AGO3: variants seen among roughly 807,000 people sequenced by gnomAD.
The protein encoded by AGO3 is argonaute RISC catalytic component 3.
AGO3 carries 16 observed loss-of-function variants against 105.5 expected under a neutral mutation model. The ratio of observed to expected loss-of-function variants is 0.15; its 90% confidence interval spans 0.10 to 0.23. The LOEUF (loss-of-function observed/expected upper bound fraction) is 0.23. Among genes scored for constraint, AGO3 ranks in the 10% least tolerant of loss-of-function variants. AGO3 has a pLI of 1.00. For missense variants in AGO3, 534 were observed against 1,088.0 expected (o/e 0.49, Z 7.16); for synonymous variants, 340 against 367.3 (o/e 0.93, Z 0.85).
chr1:35,979,248 C>T (rs1366180350), intron 5 of AGO3, among the ~76,000 whole-genome samples: 3 of 152,010 alleles, frequency 2.0e-5, no homozygotes, highest in African/African-American at 7.3e-5. Flanking sequence ...TCTGTAGTCC[C>T]AGCTACTTGG....
In AGO3 at chr1:36,036,186, G is replaced by T; in HGVS notation, c.1761G>T (p.Val587=). 1 of 1,614,058 alleles carries T rather than the reference G, an allele frequency of 6.2e-7. No homozygotes were observed. The highest frequency in any genetic ancestry group is 8.5e-7 in the Non-Finnish European group (1 of 1,179,958). ...TCAAAATGTGTTTAAGACCTTCTGT[G>T]TTCCAGCAACCAGTGATCTTTTTGG... The part of the protein sequence containing the change: ...NILVPHQRPS[V]FQQPVIFLGA... The change falls in exon 14 of 19, where the codon GTG becomes GTT. Residue 587 remains valine, a synonymous_variant. Transcript: ENST00000373191.
In AGO3 at chr1:36,061,508, G is replaced by GGTA. The variant is rs1270970870; in HGVS notation, c.*5764_*5766dup. On this transcript the variant is annotated 3_prime_UTR_variant, in exon 19 of 19. Transcript: ENST00000373191. ...TAATTTGAATTAAAGATAGAAGGAT[G>GGTA]GTAAATTCAATATAGAGGGTTGAGA... 6.6e-6 allele frequency: 1 copy of GGTA among 152,108 alleles called. No individual in the cohort carries two copies. Among genetic ancestry groups the GGTA allele is most frequent in the African/African-American group, 2.4e-5 (1 of 41,422 alleles). 9.4% of individuals were successfully genotyped at this position (152,108 alleles called of 1,614,324 possible). A position where few individuals can be genotyped will look rare whatever the true frequency, so the allele number is the denominator to read the frequency against.
Position 36,055,428 on chromosome 1 carries a change from T to C in AGO3, c.2475-209T>C, listed in dbSNP as rs1642884561. Among the ~76,000 whole-genome samples, 1 of 152,212 alleles carries C rather than the reference T, an allele frequency of 6.6e-6. No individual in the cohort carries two copies. The highest frequency in any genetic ancestry group is 1.5e-5 in the Non-Finnish European group (1 of 68,040). ...AAAATGATACGATATCTAGGTTTGC[T>C]TCTAATTAATTCTGGGGAGGTGAGA... On this transcript the variant is annotated intron_variant, in intron 18 of 18. Coordinates refer to ENST00000373191, the MANE Select transcript of AGO3 (RefSeq NM_024852.4). This position sits in a 1 kb window ranked among gnomAD's most constrained non-coding sequence, Gnocchi z 4.4.
chr1:36,007,665 T>C (rs1640401470), intron 6 of AGO3, among the ~76,000 whole-genome samples: 1 of 151,714 alleles, frequency 6.6e-6, no homozygotes, highest in Admixed American at 6.6e-5. Flanking sequence ...CATTGCACTC[T>C]GACCTGGGCA....
At chr1:36,037,235 A>G (rs1642050058) in intron 14 of AGO3, among the ~76,000 whole-genome samples, 1 of 152,156 alleles carries the variant, frequency 6.6e-6, no homozygotes, top group South Asian at 2.1e-4. Flanking sequence ...GTAAGATTTA[A>G]TTGGCCAGGC....
intron 17 of AGO3, among the ~76,000 whole-genome samples, chr1:36,053,191 A>G (rs1300908375): frequency 6.6e-6 from 1 of 152,146 alleles, no homozygotes; most frequent in Non-Finnish European, 1.5e-5. Context: ...ATGAATCTTC[A>G]AGATAGAAAT....
At chr1:35,993,802 C>G (rs1272245332) in intron 5 of AGO3, among the ~76,000 whole-genome samples, 1 of 122,424 alleles carries the variant, frequency 8.2e-6, no homozygotes, top group East Asian at 2.6e-4. Context: ...GGCTGGAGTG[C>G]AATGGTGAGA....
chr1:35,955,561 AAATG>A (rs1646549260), intron 2 of AGO3, among the ~76,000 whole-genome samples: 2 of 152,058 alleles, frequency 1.3e-5, no homozygotes, highest in Non-Finnish European at 2.9e-5. Flanking sequence ...AGTGTGCTGA[AAATG>A]AATGAACGAG....
At chr1:35,948,677 A>G (rs1249136305) in intron 2 of AGO3, among the ~76,000 whole-genome samples, 3 of 152,160 alleles carry the variant, frequency 2.0e-5, no homozygotes, top group African/African-American at 7.2e-5. Flanking sequence ...ATAGAATTTC[A>G]TGTGTATATG....
intron 12 of AGO3, among the ~76,000 whole-genome samples, chr1:36,028,395 C>CG (rs1178739275): frequency 1.9e-5 from 2 of 103,656 alleles, no homozygotes; most frequent in Admixed American, 1.2e-4. Context: ...TATCCCTCCC[C>CG]CCCCCCCACC....
intron 5 of AGO3, among the ~76,000 whole-genome samples, chr1:35,998,720 C>G (rs922233477): frequency 6.6e-6 from 1 of 152,062 alleles, no homozygotes; most frequent in African/African-American, 2.4e-5. Flanking sequence ...TATACATATT[C>G]TAGATACTAA....
At chr1:35,980,415 A>C (rs1216025137) in intron 5 of AGO3, among the ~76,000 whole-genome samples, 1 of 152,216 alleles carries the variant, frequency 6.6e-6, no homozygotes, top group Non-Finnish European at 1.5e-5. Flanking sequence ...TAGACCATGT[A>C]ACAGTTTCAT....
At chr1:35,992,470 G>T (rs539879476) in intron 5 of AGO3, among the ~76,000 whole-genome samples, 1 of 152,116 alleles carries the variant, frequency 6.6e-6, no homozygotes, top group South Asian at 2.1e-4. Context: ...TCAGAATGTT[G>T]ATATATCCCC....
At chr1:35,943,301 CTTT>C (rs533801617) in intron 1 of AGO3, among the ~76,000 whole-genome samples, 4 of 124,398 alleles carry the variant, frequency 3.2e-5, no homozygotes, top group African/African-American at 3.0e-5. Flanking sequence ...CCATGCCCAT[CTTT>C]TTTTTTTTTT....
chr1:35,995,003 A>T (rs1044179552), intron 5 of AGO3, among the ~76,000 whole-genome samples: 2 of 151,832 alleles, frequency 1.3e-5, no homozygotes, highest in Non-Finnish European at 2.9e-5. Context: ...GTTTGCGACC[A>T]GCCTGGGCAA....
At chr1:35,986,438 C>T (rs1315292188) in intron 5 of AGO3, among the ~76,000 whole-genome samples, 1 of 152,192 alleles carries the variant, frequency 6.6e-6, no homozygotes, top group Non-Finnish European at 1.5e-5. Context: ...CCTATAATCC[C>T]AGCACTTTGG....
At chr1:36,004,076 C>T (rs1013061287) in intron 5 of AGO3, 1 of 276,570 alleles carries the variant, frequency 3.6e-6, no homozygotes, top group Non-Finnish European at 6.7e-6. Flanking sequence ...AGCCTTGTCT[C>T]ACCCAGAACA....
At chr1:35,995,647 T>C (rs1237317243) in intron 5 of AGO3, among the ~76,000 whole-genome samples, 4 of 152,014 alleles carry the variant, frequency 2.6e-5, no homozygotes, top group African/African-American at 9.7e-5. Flanking sequence ...CAAGACAAAA[T>C]GGGGAAAATA....
Position 36,063,830 on chromosome 1 carries a change from C to G in AGO3, c.*8085C>G, listed in dbSNP as rs1430417921. 1 of 152,144 alleles carries G rather than the reference C, an allele frequency of 6.6e-6. No homozygotes were observed. Among genetic ancestry groups the G allele is most frequent in the Non-Finnish European group, 1.5e-5 (1 of 68,054 alleles). The allele number at this position is 152,144 out of a possible 1,614,324, so 9.4% of individuals were successfully genotyped here. ...GTGGCACTATCATAGTTCACTATAA[C>G]TTCAAACTCCTGGGCTCAGGCTATC... On this transcript the variant is annotated 3_prime_UTR_variant, in exon 19 of 19. Transcript: ENST00000373191.
Sources: allele counts gnomAD v4.1 joint callset (sites outside exome capture counted in the v4.1 genomes callset), GRCh38; gene constraint gnomAD v4.1.1; non-coding constraint Gnocchi (gnomAD v3.1); transcripts MANE v1.5; gene names NCBI Gene and HGNC (gene_info 2026-07-23, HGNC 2026-07-21).